SLC35F4: variants seen among roughly 807,000 people sequenced by gnomAD.
The protein encoded by SLC35F4 is solute carrier family 35 member F4.
SLC35F4 carries 24 observed loss-of-function variants against 44.2 expected under a neutral mutation model. That is an observed-to-expected ratio of 0.54 (90% confidence interval 0.39 to 0.76). The LOEUF (loss-of-function observed/expected upper bound fraction) is 0.76, where lower values mean the gene tolerates loss of function less well. SLC35F4 is among the 30% of genes least tolerant of loss of function. SLC35F4 has a pLI of 0.00. For missense variants in SLC35F4, 562 were observed against 586.1 expected, an observed-to-expected ratio of 0.96 and a Z score of 0.42; for synonymous variants, 238 against 223.6, an observed-to-expected ratio of 1.06 and a Z score of -0.57.
At chr14:57,858,460 C>A (rs775334416) in intron 1 of SLC35F4, among the ~76,000 whole-genome samples, 1 of 151,764 alleles carries the variant, frequency 6.6e-6, no homozygotes, top group African/African-American at 2.4e-5. Context: ...TGTTCTCACT[C>A]GTAGGTGGGA....
intron 1 of SLC35F4, among the ~76,000 whole-genome samples, chr14:57,981,510 AT>A (rs1378064758): frequency 2.6e-5 from 4 of 152,082 alleles, no homozygotes; most frequent in African/African-American, 9.6e-5. Flanking sequence ...TAATTTGAAT[AT>A]TTTTTTTAAA....
At chr14:57,613,171 C>T (rs2071610037) in intron 1 of SLC35F4, among the ~76,000 whole-genome samples, 1 of 152,174 alleles carries the variant, frequency 6.6e-6, no homozygotes, top group Non-Finnish European at 1.5e-5. Context: ...TCTGAGTTTC[C>T]TCCTTCTGGA....
intron 1 of SLC35F4, among the ~76,000 whole-genome samples, chr14:57,677,113 G>A (rs775032209): frequency 2.0e-5 from 3 of 152,030 alleles, no homozygotes; most frequent in Non-Finnish European, 2.9e-5. Flanking sequence ...TTGCAGCAAC[G>A]TGGGTGGAGC....
intron 1 of SLC35F4, among the ~76,000 whole-genome samples, chr14:57,968,097 T>C (rs1880935736): frequency 1.3e-5 from 2 of 152,236 alleles, no homozygotes; most frequent in Admixed American, 1.3e-4. Flanking sequence ...AAATGTACTG[T>C]AGAAACTGTC....
In SLC35F4 at chr14:57,754,071, A is replaced by C. The variant is rs2076943682; in HGVS notation, c.103+111652T>G. Among the ~76,000 whole-genome samples the C allele has an allele frequency of 2.0e-5, 3 of 151,488 alleles. No individual in the cohort carries two copies. The South Asian group carries it at 6.3e-4, about 32-fold the overall frequency. ...TCTAAACATCCTCTACACAGAGATA[A>C]GATCCTTTACAATGACTAACCCAAT... is the stretch of plus-strand genomic sequence containing the variant. On this transcript the variant is annotated intron_variant, in intron 1 of 7. Coordinates refer to ENST00000556826, the MANE Select transcript of SLC35F4 (RefSeq NM_001306087.2).
intron 7 of SLC35F4, 75 bp downstream of exon 7, chr14:57,566,400 A>G: frequency 1.4e-6 from 2 of 1,402,260 alleles, no homozygotes; most frequent in Non-Finnish European, 2.0e-6. Context: ...AGAAGGAACA[A>G]CTCAGGACAC....
chr14:57,747,200 G>A (rs571719184), intron 1 of SLC35F4, among the ~76,000 whole-genome samples: 11 of 152,202 alleles, frequency 7.2e-5, no homozygotes, highest in South Asian at 4.1e-4. Flanking sequence ...TATGATACAC[G>A]CAAATAAAAA....
intron 1 of SLC35F4, among the ~76,000 whole-genome samples, chr14:57,737,378 T>C (rs2076492863): frequency 6.6e-6 from 1 of 152,136 alleles, no homozygotes. Context: ...TCTGCCTCCT[T>C]TTCTGGGGTG....
intron 1 of SLC35F4, among the ~76,000 whole-genome samples, chr14:57,862,077 C>A (rs117044132): frequency 0.021 from 3,209 of 152,218 alleles, 58 homozygotes; most frequent in Middle Eastern, 0.037. Flanking sequence ...ATCCACCCCC[C>A]ACCCCTTTCC....
chr14:57,749,618 T>C (rs1400846722), intron 1 of SLC35F4, among the ~76,000 whole-genome samples: 1 of 152,158 alleles, frequency 6.6e-6, no homozygotes, highest in Non-Finnish European at 1.5e-5. Flanking sequence ...CTGCTTCCCA[T>C]TTGTCCCTGG....
chr14:57,612,787 T>C (rs1024614461), intron 1 of SLC35F4, among the ~76,000 whole-genome samples: 3 of 152,334 alleles, frequency 2.0e-5, no homozygotes, highest in Admixed American at 6.5e-5. Context: ...AGTGACTAAA[T>C]GAATAAATGA....
intron 1 of SLC35F4, among the ~76,000 whole-genome samples, chr14:57,707,839 C>T (rs996777549): frequency 6.6e-6 from 1 of 152,218 alleles, no homozygotes; most frequent in Admixed American, 6.5e-5. Flanking sequence ...CCAGACCTAA[C>T]TGATTCCATC....
intron 1 of SLC35F4, among the ~76,000 whole-genome samples, chr14:57,949,599 T>C (rs1177849838): frequency 6.6e-6 from 1 of 152,154 alleles, no homozygotes; most frequent in Non-Finnish European, 1.5e-5. Flanking sequence ...GTTTTTTTCA[T>C]TGTGTTATTG....
At chr14:57,980,374 G>A (rs755366764) in intron 1 of SLC35F4, among the ~76,000 whole-genome samples, 2 of 152,328 alleles carry the variant, frequency 1.3e-5, no homozygotes, top group Non-Finnish European at 2.9e-5. Context: ...TGAACAGGGT[G>A]TCTTGGAAAG....
At chr14:57,890,551 C>T (rs77729661) in intron 1 of SLC35F4, among the ~76,000 whole-genome samples, 1 of 151,746 alleles carries the variant, frequency 6.6e-6, no homozygotes, top group African/African-American at 2.4e-5. Flanking sequence ...GAGCCCCTCT[C>T]CACTGCATGG....
chr14:57,962,079 A>T (rs757639427), intron 1 of SLC35F4, among the ~76,000 whole-genome samples: 5 of 152,262 alleles, frequency 3.3e-5, no homozygotes, highest in Non-Finnish European at 5.9e-5. Context: ...AAGGTTGTGC[A>T]GCTGGAATCT....
chr14:57,842,125 T>G (rs1045095270), intron 1 of SLC35F4, among the ~76,000 whole-genome samples: 1 of 152,176 alleles, frequency 6.6e-6, no homozygotes, highest in African/African-American at 2.4e-5. Context: ...AAAATAACCA[T>G]GTTTTTAAAA....
At chr14:57,796,534 A>T (rs1240253788) in intron 1 of SLC35F4, among the ~76,000 whole-genome samples, 6 of 152,222 alleles carry the variant, frequency 3.9e-5, no homozygotes, top group Non-Finnish European at 5.9e-5. Flanking sequence ...CTTGTTTCAA[A>T]TACACATAAA....
intron 1 of SLC35F4, among the ~76,000 whole-genome samples, chr14:57,662,914 A>G (rs1173602642): frequency 6.6e-6 from 1 of 152,138 alleles, no homozygotes; most frequent in Non-Finnish European, 1.5e-5. Context: ...GGCAAAAGAG[A>G]GGTCACTCCC....
Sources: allele counts gnomAD v4.1 joint callset (sites outside exome capture counted in the v4.1 genomes callset), GRCh38; gene constraint gnomAD v4.1.1; transcripts MANE v1.5; gene names NCBI Gene and HGNC (gene_info 2026-07-23, HGNC 2026-07-21).